KRT23: variants seen among roughly 807,000 people sequenced by gnomAD.
The protein encoded by KRT23 is keratin, type I cytoskeletal 23.
KRT23 carries 38 observed loss-of-function variants against 47.6 expected under a neutral mutation model. That is an observed-to-expected ratio of 0.80 (90% CI 0.62 to 1.05). The LOEUF (loss-of-function observed/expected upper bound fraction) is 1.05. KRT23 is among the 50% of genes least tolerant of loss of function. KRT23 has a pLI of 0.00. For synonymous variants in KRT23, 191 were observed against 199.0 expected (o/e 0.96, Z 0.34); for missense variants, 503 against 529.5 (o/e 0.95, Z 0.49).
intron 2 of KRT23, among the ~76,000 whole-genome samples, chr17:40,935,497 G>A (rs1909997585): frequency 6.6e-6 from 1 of 152,012 alleles, no homozygotes; most frequent in African/African-American, 2.4e-5. Flanking sequence ...TAAAGAGTTC[G>A]GTTTTTTTTG....
At chr17:40,934,428 C>G (rs72824096) in intron 2 of KRT23, among the ~76,000 whole-genome samples, 16,559 of 152,184 alleles carry the variant, frequency 0.11, 1,230 homozygotes, top group East Asian at 0.32. Context: ...CCCACACCCC[C>G]CATTGCACCT....
At chr17:40,926,458 C>T (rs1210079468) in intron 6 of KRT23, among the ~76,000 whole-genome samples, 1 of 152,136 alleles carries the variant, frequency 6.6e-6, no homozygotes, top group Admixed American at 6.5e-5. Context: ...CATGGCCTCG[C>T]TTCCTAATTT....
chr17:40,934,552 G>A (rs939743658), intron 2 of KRT23, among the ~76,000 whole-genome samples: 1 of 152,190 alleles, frequency 6.6e-6, no homozygotes, highest in Non-Finnish European at 1.5e-5. Flanking sequence ...AGGATTAAAT[G>A]AGACAATGTG....
At chr17:40,937,044 A>C (rs757400518) in intron 1 of KRT23, 91 bp from the exon 2 acceptor site, 3 of 158,464 alleles carry the variant, frequency 1.9e-5, no homozygotes, top group Non-Finnish European at 2.7e-5. Context: ...CAAAACCAAA[A>C]CAAAACAACA....
At position 40,925,551 on chromosome 17, in the gene KRT23, T is replaced by A. The variant is rs764677422; in HGVS notation, c.945A>T (p.Leu315Phe). ...YSTKSALENMLSETQSRYSCK... is the reference protein window; with the variant it reads ...YSTKSALENMFSETQSRYSCK... ...AGGAGTACCGAGACTGGGTCTCGGA[T>A]AACATGTTTTCCAAAGCAGATTTCT... Residue 315 changes from leucine to phenylalanine, a missense_variant, in exon 7 of 9, where the codon TTA becomes TTT. Leu to Phe is a conservative substitution (Grantham distance 22). Coordinates refer to ENST00000209718, the MANE Select transcript of KRT23 (RefSeq NM_015515.5). The A allele has an allele frequency of 6.2e-7, 1 of 1,613,498 alleles. No individual in the cohort carries two copies. The highest frequency in any genetic ancestry group is 8.5e-7 in the Non-Finnish European group (1 of 1,179,484).
intron 8 of KRT23, among the ~76,000 whole-genome samples, chr17:40,923,968 A>T (rs999480756): frequency 2.0e-5 from 3 of 152,146 alleles, no homozygotes; most frequent in Non-Finnish European, 2.9e-5. Flanking sequence ...TGTTGTTTCT[A>T]CCTCTTTCTT....
Position 40,931,412 on chromosome 17 carries a change from A to C in KRT23, c.440T>G (p.Ile147Ser), listed in dbSNP as rs746831962. Residue 147 changes from isoleucine to serine, a missense_variant, in exon 3 of 9, where the codon ATT (isoleucine) becomes AGT (serine). By Grantham distance (142) the Ile-to-Ser change is moderately radical. Transcript: ENST00000209718. ...ATCCACTGCCATCCTGGCATTGTCA[A>C]TGAGAAGAATAATCTGAGCATTGGT... is the stretch of plus-strand genomic sequence containing the variant. ...KMTNAQIILL[I>S]DNARMAVDDF... 1 of 1,613,874 alleles carries C rather than the reference A, an allele frequency of 6.2e-7. No homozygotes were observed. The highest frequency in any genetic ancestry group is 8.5e-7 in the Non-Finnish European group (1 of 1,179,728).
chr17:40,926,626 G>A (rs368730507), intron 6 of KRT23, among the ~76,000 whole-genome samples: 3 of 152,134 alleles, frequency 2.0e-5, no homozygotes, highest in African/African-American at 2.4e-5. Context: ...GCCTTCTTGC[G>A]TTATCAATAT....
rs1056866326 is a variant in KRT23 at position 40,931,275 on chromosome 17, G to A, written c.479+98C>T. ...TCCGCCCGCCTTGGCCTCCCAAAGT[G>A]CTGGGATTACAGGTGTGAGCCACCG... On this transcript the variant is annotated intron_variant, in intron 3 of 8. Coordinates refer to ENST00000209718, the MANE Select transcript of KRT23 (RefSeq NM_015515.5). 3.4e-5 allele frequency: 28 copies of A among 831,214 alleles called. No individual in the cohort carries two copies. The Admixed American group carries it at 5.0e-4, about 15-fold the overall frequency. 51.5% of individuals were successfully genotyped at this position (831,214 alleles called of 1,614,324 possible).
In KRT23 at chr17:40,936,529, G is replaced by C; in HGVS notation, c.75C>G (p.Pro25=). The change falls in exon 2 of 9, where the codon CCC becomes CCG. Residue 25 remains proline (P), a synonymous_variant. Coordinates refer to ENST00000209718, the MANE Select transcript of KRT23 (RefSeq NM_015515.5). ...FHGAGGGWGR[P]RSFPRAPTVH... ...CGGTGGGAGCCCTGGGGAAGCTCCT[G>C]GGCCGGCCCCAGCCACCTCCGGCGC... 1 of 1,523,990 alleles carries C rather than the reference G, an allele frequency of 6.6e-7. No individual in the cohort carries two copies. The highest frequency in any genetic ancestry group is 8.8e-7 in the Non-Finnish European group (1 of 1,138,938). The allele number at this position is 1,523,990 out of a possible 1,614,324, so 94.4% of individuals were successfully genotyped here.
intron 8 of KRT23, among the ~76,000 whole-genome samples, chr17:40,923,767 T>C (rs1213477249): frequency 6.6e-6 from 1 of 152,244 alleles, no homozygotes; most frequent in Non-Finnish European, 1.5e-5. Flanking sequence ...TGTCCTGTGA[T>C]GATTACTCCA....
intron 2 of KRT23, among the ~76,000 whole-genome samples, chr17:40,932,842 A>G (rs972219384): frequency 6.6e-6 from 1 of 152,248 alleles, no homozygotes; most frequent in Non-Finnish European, 1.5e-5. Context: ...TAGAGATGGC[A>G]TGAATGCTGG....
intron 6 of KRT23, among the ~76,000 whole-genome samples, chr17:40,928,027 T>G (rs956201977): frequency 2.6e-5 from 4 of 152,204 alleles, no homozygotes; most frequent in Admixed American, 2.0e-4. Flanking sequence ...ACATTTAATA[T>G]CATGAACTAC....
chr17:40,928,174 A>G, intron 6 of KRT23, 64 bp downstream of exon 6: 1 of 1,603,462 alleles, frequency 6.2e-7, no homozygotes, highest in South Asian at 1.1e-5. Context: ...CCTGGGAGAG[A>G]GGTCTCAGAA....
chr17:40,926,969 CCAACTCATCAGA>C (rs1412875564), intron 6 of KRT23, among the ~76,000 whole-genome samples: 1 of 152,116 alleles, frequency 6.6e-6, no homozygotes, highest in Non-Finnish European at 1.5e-5. Context: ...TGCTGCTCCT[CCAACTCATCAGA>C]CACACTTGTG....
At chr17:40,932,555 C>T (rs1246726332) in intron 2 of KRT23, among the ~76,000 whole-genome samples, 3 of 152,202 alleles carry the variant, frequency 2.0e-5, no homozygotes, top group Non-Finnish European at 4.4e-5. Flanking sequence ...CATCACTCTA[C>T]TCTCCAGGCC....
At chr17:40,933,466 C>T (rs1909834244) in intron 2 of KRT23, among the ~76,000 whole-genome samples, 1 of 152,170 alleles carries the variant, frequency 6.6e-6, no homozygotes, top group African/African-American at 2.4e-5. Context: ...GTGGGGTAAC[C>T]CTTACTTACT....
chr17:40,929,990 C>T lies in KRT23; in HGVS notation c.586G>A (p.Val196Met). ...TIVTTDLEQE[V>M]EGMRKELILM... is the part of the protein sequence containing the mutation. The stretch of plus-strand genomic sequence containing the variant: ...ATGAGCTCTTTCCTCATTCCTTCCA[C>T]CTCCTGTTCTAGGTCTGTTGTGACA... The change falls in exon 4 of 9, where the codon GTG (valine) becomes ATG (methionine). Residue 196 changes from valine (V) to methionine (M), a missense_variant. Coordinates refer to ENST00000209718, the MANE Select transcript of KRT23 (RefSeq NM_015515.5). 4 of 1,614,172 alleles carry T rather than the reference C, an allele frequency of 2.5e-6. No individual in the cohort carries two copies. The highest frequency in any genetic ancestry group is 2.2e-5 in the East Asian group (1 of 44,884).
rs747434633 is a variant in KRT23 at position 40,923,077 on chromosome 17, G to C, written c.1181C>G (p.Ala394Gly). ...EESKSSMKVS[A>G]TPKIKAITQE... ...GGTTATGGCCTTGATCTTTGGAGTTGCAGACACTGAGAAAAAGAGCATGGA... is the reference window on the plus strand; with the variant it reads ...GGTTATGGCCTTGATCTTTGGAGTTCCAGACACTGAGAAAAAGAGCATGGA... The change falls in exon 9 of 9, where the codon GCA becomes GGA. Residue 394 changes from alanine to glycine, a missense_variant. Transcript: ENST00000209718. 3.0e-5 allele frequency: 48 copies of C among 1,610,734 alleles called. No individual in the cohort carries two copies. Among genetic ancestry groups the C allele is most frequent in the Non-Finnish European group, 4.0e-5 (47 of 1,177,062 alleles).
Sources: gnomAD v4.1 joint callset for allele counts (sites outside exome capture counted in the v4.1 genomes callset) on GRCh38, gnomAD v4.1.1 for gene constraint, MANE v1.5 for transcripts, NCBI Gene and HGNC (gene_info 2026-07-23, HGNC 2026-07-21) for gene names.